Variants in SPRY3 observed in about 807,000 individuals in gnomAD.
The protein encoded by SPRY3 is protein sprouty homolog 3.
Under a neutral mutation model 20.2 loss-of-function variants are expected in SPRY3, and 15 were observed. The ratio of observed to expected loss-of-function variants is 0.74; its 90% confidence interval spans 0.50 to 1.14. The LOEUF (loss-of-function observed/expected upper bound fraction) is 1.14, where lower values mean the gene tolerates loss of function less well. Among genes scored for constraint, SPRY3 ranks in the 50% most tolerant of loss-of-function variants. SPRY3 has a pLI of 0.00. For missense variants in SPRY3, 364 were observed against 363.9 expected (o/e 1.00, Z 0.00); for synonymous variants, 143 against 136.5 (o/e 1.05, Z -0.33).
intron 2 of SPRY3, among the ~76,000 whole-genome samples, chrX:155,683,331 A>C (rs961451743): frequency 1.2e-4 from 13 of 111,833 alleles, no homozygotes; most frequent in African/African-American, 3.9e-4. Flanking sequence ...TCTTATTTTA[A>C]GGAATTTCCA....
intron 2 of SPRY3, among the ~76,000 whole-genome samples, chrX:155,734,446 A>T (rs1342419278): frequency 6.6e-6 from 1 of 152,086 alleles, no homozygotes; most frequent in Admixed American, 6.6e-5. Flanking sequence ...TGTAATGGTA[A>T]CGTCAAAGAT....
intron 2 of SPRY3, among the ~76,000 whole-genome samples, chrX:155,705,111 T>TACAAA (rs2090941088): frequency 6.6e-6 from 1 of 151,504 alleles, no homozygotes; most frequent in East Asian, 1.9e-4. Context: ...TAAAGTTAAA[T>TACAAA]TATTTTTCTT....
chrX:155,774,235 C>T, exon 4 of SPRY3: 1 of 1,614,012 alleles, frequency 6.2e-7, no homozygotes, highest in Non-Finnish European at 8.5e-7. Flanking sequence ...AGCAGGGGTC[C>T]ACCCAAAGGC....
chrX:155,674,710 C>A (rs1715616165), intron 2 of SPRY3, among the ~76,000 whole-genome samples: 1 of 109,301 alleles, frequency 9.1e-6, no homozygotes, highest in African/African-American at 3.3e-5. Flanking sequence ...TCCTCAAAGT[C>A]TTTTTTTTTC....
intron 2 of SPRY3, among the ~76,000 whole-genome samples, chrX:155,679,837 T>C (rs893800369): frequency 8.1e-5 from 9 of 110,931 alleles, no homozygotes; most frequent in Admixed American, 1.9e-4. Flanking sequence ...GAATGAGATG[T>C]TTACACTGAA....
chrX:155,724,116 A>G, intron 2 of SPRY3, among the ~76,000 whole-genome samples: 1 of 152,116 alleles, frequency 6.6e-6, no homozygotes, highest in South Asian at 2.1e-4. Flanking sequence ...TTTATTTCTG[A>G]GGCCTCTGTT....
chrX:155,713,035 C>T (rs2090997733), intron 2 of SPRY3, among the ~76,000 whole-genome samples: 1 of 151,866 alleles, frequency 6.6e-6, no homozygotes, highest in Non-Finnish European at 1.5e-5. Flanking sequence ...TCTTACTGTA[C>T]TGTCTGTGTC....
intron 2 of SPRY3, among the ~76,000 whole-genome samples, chrX:155,755,903 G>A (rs1312806460): frequency 6.6e-6 from 1 of 151,962 alleles, no homozygotes; most frequent in Non-Finnish European, 1.5e-5. Flanking sequence ...AGAAGGAGGA[G>A]AAACCAAAGA....
At chrX:155,753,572 A>C (rs1460331626) in intron 2 of SPRY3, among the ~76,000 whole-genome samples, 1 of 151,828 alleles carries the variant, frequency 6.6e-6, no homozygotes. Context: ...CATGTTTTCA[A>C]CTTTTTTGGT....
intron 2 of SPRY3, among the ~76,000 whole-genome samples, chrX:155,732,578 GA>G (rs2091140712): frequency 6.6e-6 from 1 of 151,968 alleles, no homozygotes; most frequent in Non-Finnish European, 1.5e-5. Flanking sequence ...AACCACTATG[GA>G]AATCAGTTTG....
chrX:155,771,674 C>T (rs2091382753), intron 3 of SPRY3, among the ~76,000 whole-genome samples: 1 of 152,082 alleles, frequency 6.6e-6, no homozygotes, highest in African/African-American at 2.4e-5. Flanking sequence ...ACAATGTGTC[C>T]TTTTTTATTT....
chrX:155,725,530 T>C (rs913089660), intron 2 of SPRY3, among the ~76,000 whole-genome samples: 2 of 152,216 alleles, frequency 1.3e-5, no homozygotes, highest in African/African-American at 4.8e-5. Context: ...ATTCAACTTC[T>C]TCCTGATTTA....
At chrX:155,666,968 C>A (rs1227483284) in intron 2 of SPRY3, among the ~76,000 whole-genome samples, 2 of 110,696 alleles carry the variant, frequency 1.8e-5, no homozygotes, top group African/African-American at 6.6e-5. Flanking sequence ...GTGTACTATA[C>A]TTAAAGATAG....
At chrX:155,688,688 A>T (rs1384842450) in intron 2 of SPRY3, among the ~76,000 whole-genome samples, 2 of 109,094 alleles carry the variant, frequency 1.8e-5, no homozygotes, top group African/African-American at 3.3e-5. Flanking sequence ...GTCTTTTTTT[A>T]AATTGTTTTT....
intron 2 of SPRY3, among the ~76,000 whole-genome samples, chrX:155,767,008 G>T (rs1002747308): frequency 6.6e-6 from 1 of 152,116 alleles, no homozygotes; most frequent in African/African-American, 2.4e-5. Flanking sequence ...TAGATTGGTA[G>T]AAATGTGATT....
intron 2 of SPRY3, among the ~76,000 whole-genome samples, chrX:155,726,964 G>T (rs143560823): frequency 6.6e-6 from 1 of 152,114 alleles, no homozygotes; most frequent in Non-Finnish European, 1.5e-5. Context: ...GGTACTGGTT[G>T]TTCCTTTCCA....
chrX:155,763,161 T>C (rs1036149731), intron 2 of SPRY3, among the ~76,000 whole-genome samples: 7 of 152,100 alleles, frequency 4.6e-5, no homozygotes, highest in Admixed American at 2.6e-4. Flanking sequence ...GAGCTTAACA[T>C]TGGGTACTCA....
At chrX:155,721,337 T>C (rs1021280470) in intron 2 of SPRY3, among the ~76,000 whole-genome samples, 3 of 152,104 alleles carry the variant, frequency 2.0e-5, no homozygotes, top group Non-Finnish European at 2.9e-5. Context: ...CTAAGAGTTA[T>C]TGATCTTAAA....
intron 1 of SPRY3, among the ~76,000 whole-genome samples, chrX:155,621,757 T>C (rs2067871653): frequency 9.0e-6 from 1 of 111,715 alleles, no homozygotes; most frequent in Non-Finnish European, 1.9e-5. Context: ...CCAACTTCTC[T>C]AGTATGACTG....
Sources: gnomAD v4.1 joint callset for allele counts (sites outside exome capture counted in the v4.1 genomes callset) on GRCh38, gnomAD v4.1.1 for gene constraint, MANE v1.5 for transcripts, NCBI Gene and HGNC (gene_info 2026-07-23, HGNC 2026-07-21) for gene names.